Variants in NEDD4L observed in about 807,000 individuals in gnomAD.
NEDD4L encodes NEDD4 like E3 ubiquitin protein ligase.
In NEDD4L, 54 loss-of-function variants were observed where a neutral mutation model predicts 148.9. The ratio of observed to expected loss-of-function variants is 0.36; its 90% CI spans 0.29 to 0.45. The LOEUF is 0.45. Among genes scored for constraint, NEDD4L ranks in the 20% least tolerant of loss-of-function variants. The pLI is 1.00. For missense variants in NEDD4L, 856 were observed against 1,233.8 expected, an observed-to-expected ratio of 0.69 and a Z score of 4.59; for synonymous variants, 433 against 440.7, an observed-to-expected ratio of 0.98 and a Z score of 0.22.
intron 1 of NEDD4L, among the ~76,000 whole-genome samples, chr18:58,073,521 T>C (rs1039529475): frequency 6.6e-6 from 1 of 152,212 alleles, no homozygotes; most frequent in Non-Finnish European, 1.5e-5. Context: ...ATCCATACAA[T>C]GGGATATTAT....
At chr18:58,342,318 C>G (rs1340548559) in intron 15 of NEDD4L, among the ~76,000 whole-genome samples, 3 of 152,110 alleles carry the variant, frequency 2.0e-5, no homozygotes, top group African/African-American at 7.2e-5. Context: ...TGGTGCCATC[C>G]TTTAACATCA....
rs894011929 is a variant in NEDD4L, at chr18:58,400,743, C to A, written c.*4474C>A. ...CCCCGTACCAGTGCATCATCAGAAG[C>A]CTTCCTCGTGACCATAACTCTGTGT... On this transcript the variant is annotated 3_prime_UTR_variant, in exon 31 of 31. Transcript: ENST00000400345. The A allele has an allele frequency of 6.6e-5, 10 of 152,318 alleles. No individual in the cohort carries two copies. Among genetic ancestry groups the A allele is most frequent in the Admixed American group, 5.9e-4 (9 of 15,300 alleles). The allele number at this position is 152,318 out of a possible 1,614,324, so 9.4% of individuals were successfully genotyped here.
At chr18:58,236,975 A>G (rs2046104036) in intron 2 of NEDD4L, among the ~76,000 whole-genome samples, 1 of 152,112 alleles carries the variant, frequency 6.6e-6, no homozygotes, top group South Asian at 2.1e-4. Flanking sequence ...GTGAGCCAAG[A>G]TCATGCCATT....
intron 5 of NEDD4L, among the ~76,000 whole-genome samples, chr18:58,270,767 A>G (rs772058346): frequency 1.3e-5 from 2 of 152,178 alleles, no homozygotes; most frequent in Admixed American, 6.5e-5. Flanking sequence ...CCAAGGATAG[A>G]GGCCGATTCC....
intron 1 of NEDD4L, among the ~76,000 whole-genome samples, chr18:58,108,512 C>T (rs556602390): frequency 2.6e-5 from 4 of 152,296 alleles, no homozygotes; most frequent in African/African-American, 9.6e-5. Context: ...CCTCCGCCTC[C>T]TGGGTTCAAG....
chr18:58,161,749 C>T lies in NEDD4L; in HGVS notation c.49-4039C>T, dbSNP rs182669661. Among the ~76,000 whole-genome samples the T allele has an allele frequency of 2.9e-3, 443 of 152,192 alleles. 3 individuals are homozygous for T. The highest frequency in any genetic ancestry group is 0.01 in the African/African-American group (424 of 41,532). On this transcript the variant is annotated intron_variant, in intron 1 of 30. Transcript: ENST00000400345. The stretch of plus-strand genomic sequence containing the variant: ...GGGGGGTGCTTGGCTCTACTCCCTT[C>T]GTATGATTTTCCCTTCTTTATCTCC...
intron 2 of NEDD4L, among the ~76,000 whole-genome samples, chr18:58,225,982 T>C (rs1177185638): frequency 6.6e-6 from 1 of 152,180 alleles, no homozygotes; most frequent in African/African-American, 2.4e-5. Context: ...AATATGGAAG[T>C]TGCGGCTGAC....
chr18:58,147,791 C>T (rs2034253209), intron 1 of NEDD4L, among the ~76,000 whole-genome samples: 1 of 152,124 alleles, frequency 6.6e-6, no homozygotes, highest in Admixed American at 6.5e-5. Context: ...TCTTTTGGGG[C>T]TTTGAATGCC....
intron 2 of NEDD4L, among the ~76,000 whole-genome samples, chr18:58,184,118 G>A (rs1382528519): frequency 2.6e-5 from 4 of 152,134 alleles, no homozygotes; most frequent in Non-Finnish European, 5.9e-5. Context: ...GCAGTGACCC[G>A]AGATCGCGCC....
intron 6 of NEDD4L, among the ~76,000 whole-genome samples, chr18:58,316,743 G>A (rs915515870): frequency 2.0e-5 from 3 of 152,210 alleles, no homozygotes; most frequent in African/African-American, 7.2e-5. Context: ...TGAGAAAGGT[G>A]GATCCCCATC....
rs537326517 is a variant in NEDD4L at position 58,195,005 on chromosome 18, A to C, written c.122+29144A>C. 9.2e-5 allele frequency among the ~76,000 whole-genome samples: 14 copies of C among 152,386 alleles called. 1 individual carries two copies. In the South Asian group the frequency reaches 2.1e-3, roughly 23 times the overall value. On this transcript the variant is annotated intron_variant, in intron 2 of 30. Coordinates refer to ENST00000400345, the MANE Select transcript of NEDD4L (RefSeq NM_001144967.3). ...GCTAGTGGAGATGGGATCCAAAGCT[A>C]GTTTTGGCTGATGAAAATACAGGCT...
At chr18:58,096,356 ATTTTATTTTATTTTAT>A (rs1568210392) in intron 1 of NEDD4L, among the ~76,000 whole-genome samples, 1 of 34,766 alleles carries the variant, frequency 2.9e-5, no homozygotes, top group African/African-American at 3.4e-4. Flanking sequence ...TATTTATTTT[ATTTTATTTTATTTTAT>A]TTTATTTTAT....
chr18:58,313,218 C>G (rs2057897666), intron 5 of NEDD4L, among the ~76,000 whole-genome samples: 1 of 152,148 alleles, frequency 6.6e-6, no homozygotes, highest in African/African-American at 2.4e-5. Flanking sequence ...CTAATAAGAG[C>G]CTTCCGTTTC....
At position 58,400,646 on chromosome 18, in the gene NEDD4L, G is replaced by C. The variant is rs755050464; in HGVS notation, c.*4377G>C. 1 of 152,218 alleles carries C rather than the reference G, an allele frequency of 6.6e-6. No homozygotes were observed. Among genetic ancestry groups the C allele is most frequent in the Non-Finnish European group, 1.5e-5 (1 of 68,038 alleles). The allele number at this position is 152,218 out of a possible 1,614,324, so 9.4% of individuals were successfully genotyped here. On this transcript the variant is annotated 3_prime_UTR_variant, in exon 31 of 31. Transcript: ENST00000400345. ...GCATGTTTCAAAGGCACGTCTTTCCGTTCGTTGGTTTTCTGTGTGTAAGGA... is the reference window on the plus strand; with the variant it reads ...GCATGTTTCAAAGGCACGTCTTTCCCTTCGTTGGTTTTCTGTGTGTAAGGA...
intron 5 of NEDD4L, among the ~76,000 whole-genome samples, chr18:58,303,656 T>C (rs1017298003): frequency 4.6e-5 from 7 of 152,208 alleles, no homozygotes; most frequent in Non-Finnish European, 7.4e-5. Flanking sequence ...TGCTGATCTT[T>C]TTCTAAGTAC....
At chr18:58,050,843 C>T (rs1275283602) in intron 1 of NEDD4L, among the ~76,000 whole-genome samples, 1 of 152,168 alleles carries the variant, frequency 6.6e-6, no homozygotes, top group Non-Finnish European at 1.5e-5. Context: ...ACTGTAGTTT[C>T]TTTACCATTA....
intron 1 of NEDD4L, among the ~76,000 whole-genome samples, chr18:58,162,112 C>G (rs1477675949): frequency 6.6e-6 from 1 of 152,158 alleles, no homozygotes; most frequent in Non-Finnish European, 1.5e-5. Context: ...ATTAAAAGTT[C>G]TTGCCAGAAT....
At chr18:58,139,621 G>A (rs1478390831) in intron 1 of NEDD4L, among the ~76,000 whole-genome samples, 1 of 152,226 alleles carries the variant, frequency 6.6e-6, no homozygotes, top group East Asian at 1.9e-4. Flanking sequence ...AGGGACAGAA[G>A]AAGGGTGGAG....
chr18:58,105,658 A>G (rs1489639815), intron 1 of NEDD4L, among the ~76,000 whole-genome samples: 1 of 152,178 alleles, frequency 6.6e-6, no homozygotes, highest in Admixed American at 6.5e-5. Context: ...GAAAATGATT[A>G]AGAAAAATAG....
Sources: gnomAD v4.1 joint callset for allele counts (sites outside exome capture counted in the v4.1 genomes callset) on GRCh38, gnomAD v4.1.1 for gene constraint, MANE v1.5 for transcripts, NCBI Gene and HGNC (gene_info 2026-07-23, HGNC 2026-07-21) for gene names.